ANK3: variants seen among roughly 807,000 people sequenced by gnomAD.
ANK3 encodes the protein ankyrin-3.
ANK3 carries 57 observed loss-of-function variants against 370.9 expected under a neutral mutation model. That is an observed-to-expected ratio of 0.15 (90% confidence interval 0.12 to 0.19). The LOEUF is 0.19. Among genes scored for constraint, ANK3 ranks in the 10% least tolerant of loss-of-function variants. The pLI is 1.00. For synonymous variants in ANK3, 1,929 were observed against 1,946.3 expected, an observed-to-expected ratio of 0.99 and a Z score of 0.23; for missense variants, 4,439 against 5,302.1, an observed-to-expected ratio of 0.84 and a Z score of 5.06.
At chr10:60,572,070 C>G (rs1240845404) in intron 2 of ANK3, among the ~76,000 whole-genome samples, 7 of 152,030 alleles carry the variant, frequency 4.6e-5, no homozygotes, top group Non-Finnish European at 1.0e-4. Flanking sequence ...TATGTTAAAG[C>G]TAAACATCTA....
At chr10:60,720,392 A>G (rs2079846938) in intron 1 of ANK3, among the ~76,000 whole-genome samples, 1 of 152,184 alleles carries the variant, frequency 6.6e-6, no homozygotes, top group Admixed American at 6.5e-5. Flanking sequence ...AGCTACTATG[A>G]AATCTACTAT....
At chr10:60,063,822 A>G (rs1248876676) in intron 39 of ANK3, among the ~76,000 whole-genome samples, 1 of 152,220 alleles carries the variant, frequency 6.6e-6, no homozygotes, top group Non-Finnish European at 1.5e-5. Flanking sequence ...CATAGTGGTA[A>G]CTTCGGAGTG....
chr10:60,532,687 G>A (rs147498686), intron 2 of ANK3, among the ~76,000 whole-genome samples: 1 of 152,238 alleles, frequency 6.6e-6, no homozygotes, highest in East Asian at 1.9e-4. Context: ...CTTGGTTCCA[G>A]AGCTTTCAGA....
intron 2 of ANK3, among the ~76,000 whole-genome samples, chr10:60,548,353 A>C (rs1229940307): frequency 6.6e-6 from 1 of 151,610 alleles, no homozygotes; most frequent in East Asian, 1.9e-4. Flanking sequence ...CTGGGATCAC[A>C]GGCACCCACC....
At chr10:60,110,664 C>T (rs1238299011) in intron 26 of ANK3, among the ~76,000 whole-genome samples, 2 of 152,188 alleles carry the variant, frequency 1.3e-5, no homozygotes, top group Non-Finnish European at 2.9e-5. Flanking sequence ...TTTTCTTAGA[C>T]ATACGTATAT....
chr10:60,634,120 T>C (rs1195503910), intron 1 of ANK3, among the ~76,000 whole-genome samples: 6 of 152,204 alleles, frequency 3.9e-5, no homozygotes, highest in Non-Finnish European at 7.3e-5. Flanking sequence ...TTCTGTATAA[T>C]GGGATATAAC....
intron 28 of ANK3, 128 bp from the exon 29 acceptor site, chr10:60,088,486 C>T (rs559985719): frequency 3.7e-5 from 30 of 817,448 alleles, no homozygotes; most frequent in Admixed American, 5.1e-5. Flanking sequence ...AGTGCAATGG[C>T]GTGATCTTGG....
chr10:60,187,194 C>T (rs111963044), intron 16 of ANK3, among the ~76,000 whole-genome samples: 1,781 of 150,284 alleles, frequency 0.012, 33 homozygotes, highest in African/African-American at 0.041. Context: ...TCTCACTCTT[C>T]GCCCAGGCTG....
chr10:60,499,656 C>A (rs553401897), intron 2 of ANK3, among the ~76,000 whole-genome samples: 14 of 152,300 alleles, frequency 9.2e-5, no homozygotes, highest in Non-Finnish European at 1.6e-4. Flanking sequence ...CCTATTCCTA[C>A]AGAAGAGCCA....
At chr10:60,130,358 T>C (rs533622640) in intron 25 of ANK3, among the ~76,000 whole-genome samples, 25 of 152,308 alleles carry the variant, frequency 1.6e-4, no homozygotes, top group African/African-American at 5.3e-4. Context: ...AGCAGGATAA[T>C]AAAGAGGCAA....
intron 8 of ANK3, among the ~76,000 whole-genome samples, chr10:60,230,167 T>C (rs2097218131): frequency 6.6e-6 from 1 of 152,084 alleles, no homozygotes; most frequent in South Asian, 2.1e-4. Context: ...CTATATTGAG[T>C]CTCTGATTGG....
At chr10:60,211,892 C>CAAAAAAAAAA (rs72238553) in intron 9 of ANK3, among the ~76,000 whole-genome samples, 24 of 93,388 alleles carry the variant, frequency 2.6e-4, no homozygotes, top group African/African-American at 4.3e-4. Flanking sequence ...AATACAGAGC[C>CAAAAAAAAAA]AAAAAAAAAA....
At chr10:60,375,501 G>T (rs1019518706) in intron 1 of ANK3, among the ~76,000 whole-genome samples, 2 of 151,982 alleles carry the variant, frequency 1.3e-5, no homozygotes, top group African/African-American at 2.4e-5. Context: ...CTGCCTGGGG[G>T]GGGAGGGGGG....
chr10:60,475,902 T>C (rs1204564620), intron 2 of ANK3, among the ~76,000 whole-genome samples: 1 of 151,964 alleles, frequency 6.6e-6, no homozygotes, highest in East Asian at 1.9e-4. Flanking sequence ...ATATTCCAAC[T>C]CCACCTAAAG....
At chr10:60,400,163 G>T (rs1193731986) in intron 2 of ANK3, among the ~76,000 whole-genome samples, 1 of 152,036 alleles carries the variant, frequency 6.6e-6, no homozygotes, top group Non-Finnish European at 1.5e-5. Context: ...ATGTGTAATG[G>T]ATATTACTTT....
chr10:60,550,765 C>T (rs560307121), intron 2 of ANK3, among the ~76,000 whole-genome samples: 2 of 152,136 alleles, frequency 1.3e-5, no homozygotes, highest in South Asian at 2.1e-4. Context: ...GAAGTCATTG[C>T]TATAATGAAG....
intron 18 of ANK3, among the ~76,000 whole-genome samples, chr10:60,180,806 A>AT (rs142286927): frequency 0.27 from 40,896 of 150,838 alleles, 5,627 homozygotes; most frequent in African/African-American, 0.32. Flanking sequence ...TTAATTAGCA[A>AT]TTTTTTTTTC....
chr10:60,681,097 G>A (rs917430339), intron 1 of ANK3, among the ~76,000 whole-genome samples: 1 of 152,088 alleles, frequency 6.6e-6, no homozygotes, highest in African/African-American at 2.4e-5. Flanking sequence ...TACTTTCCAA[G>A]TCCAAGTCCT....
chr10:60,091,542 AG>A (rs1176600207), intron 28 of ANK3, among the ~76,000 whole-genome samples: 2 of 142,350 alleles, frequency 1.4e-5, no homozygotes, highest in African/African-American at 5.2e-5. Flanking sequence ...TGGGGGTGGG[AG>A]GAGAGTTTCT....
Sources: gnomAD v4.1 joint callset for allele counts (sites outside exome capture counted in the v4.1 genomes callset) on GRCh38, gnomAD v4.1.1 for gene constraint, MANE v1.5 for transcripts, NCBI Gene and HGNC (gene_info 2026-07-23, HGNC 2026-07-21) for gene names.